The following SHROOM1 variants were observed in gnomAD, a reference collection of about 807,000 sequenced individuals.
SHROOM1 encodes the protein protein Shroom1.
Under a neutral mutation model 64.2 loss-of-function variants are expected in SHROOM1, and 53 were observed. The observed-to-expected ratio is 0.83, with a 90% CI of 0.66 to 1.04. SHROOM1 has a LOEUF of 1.04. Ranked by LOEUF, SHROOM1 falls within the 50% of genes least tolerant of loss-of-function variation. The probability of loss-of-function intolerance (pLI) is 0.00; values close to 1 mark genes in which losing one functional copy is unlikely to be tolerated. For missense variants in SHROOM1, 1,179 were observed against 1,163.2 expected (o/e 1.01, Z -0.20); for synonymous variants, 490 against 518.9 (o/e 0.94, Z 0.76).
In SHROOM1 at chr5:132,825,394, G is replaced by A. The variant is rs771031009; in HGVS notation, c.747C>T (p.Ser249=). The change falls in exon 4 of 10, where the codon AGC becomes AGT. Residue 249 remains serine, a synonymous_variant. Transcript: ENST00000378679. The surrounding 1 kb of genome is among the most constrained non-coding windows in gnomAD (Gnocchi z 5.1). ...ARECLGEACS[S]SGLPGPEPLE... ...AGGGCTCGGGCCCAGGGAGGCCAGAGCTGGAGCAGGCCTCACCCAGGCATT... is the reference window on the plus strand; with the variant it reads ...AGGGCTCGGGCCCAGGGAGGCCAGAACTGGAGCAGGCCTCACCCAGGCATT... 2.5e-6 allele frequency: 4 copies of A among 1,596,532 alleles called. No homozygotes were observed. In the South Asian group the frequency reaches 4.4e-5, roughly 18 times the overall value.
rs1257455250 is a variant in SHROOM1, at chr5:132,825,967, T to C, written c.174A>G (p.Leu58=). 29 of 1,486,536 alleles carry C rather than the reference T, an allele frequency of 2.0e-5. No homozygotes were observed. The highest frequency in any genetic ancestry group is 2.6e-5 in the Non-Finnish European group (29 of 1,116,712). 92.1% of individuals were successfully genotyped at this position (1,486,536 alleles called of 1,614,324 possible). Residue 58 remains leucine, a synonymous_variant, in exon 4 of 10, where the codon CTA becomes CTG. Coordinates refer to ENST00000378679, the MANE Select transcript of SHROOM1 (RefSeq NM_001172700.2). This position sits in a 1 kb window ranked among gnomAD's most constrained non-coding sequence, Gnocchi z 5.1. ...AAACCACACGCACGTAGTCCCAGTC[T>C]AGGTAAGGAAGGAGGTCTGTCCCCG... ...QSPGTDLLPY[L]DWDYVRVVWG... is the part of the protein sequence containing the mutation.
chr5:132,830,432 C>A lies in SHROOM1; in HGVS notation c.-501+162G>T. ...CCGACTCCACTGGCGCAACCTGACGCGGCGCCGAGCCAGACACGTCCCGGC... is the reference window on the plus strand; with the variant it reads ...CCGACTCCACTGGCGCAACCTGACGAGGCGCCGAGCCAGACACGTCCCGGC... On this transcript the variant is annotated intron_variant, in intron 1 of 9. Coordinates refer to ENST00000378679, the MANE Select transcript of SHROOM1 (RefSeq NM_001172700.2). This position sits in a 1 kb window ranked among gnomAD's most constrained non-coding sequence, Gnocchi z 5.9. 1.0e-6 allele frequency: 1 copy of A among 984,978 alleles called. No homozygotes were observed. The highest frequency in any genetic ancestry group is 1.2e-6 in the Non-Finnish European group (1 of 829,796). The allele number at this position is 984,978 out of a possible 1,614,324, so 61.0% of individuals were successfully genotyped here.
rs953631980 is a variant in SHROOM1 at position 132,829,783 on chromosome 5, G to C, written c.-501+811C>G. The C allele has an allele frequency of 1.4e-5, 14 of 985,464 alleles. No individual in the cohort carries two copies. The East Asian group carries it at 1.6e-3, about 112-fold the overall frequency. The allele number at this position is 985,464 out of a possible 1,614,324, so 61.0% of individuals were successfully genotyped here. A position where few individuals can be genotyped will look rare whatever the true frequency, so the allele number is the denominator to read the frequency against. ...ACCCGCAGCTGGGTCTGGCTAGGCG[G>C]ACGTTCTGGGAAGTTCACCGGCTCT... On this transcript the variant is annotated intron_variant, in intron 1 of 9. Coordinates refer to ENST00000378679, the MANE Select transcript of SHROOM1 (RefSeq NM_001172700.2).
intron 2 of SHROOM1, among the ~76,000 whole-genome samples, chr5:132,826,867 C>T (rs752070561): frequency 4.9e-4 from 74 of 152,352 alleles, no homozygotes; most frequent in East Asian, 2.7e-3. Context: ...CCAGGCCTGC[C>T]TCCACGCTCA....
Position 132,825,474 on chromosome 5 carries a change from A to C in SHROOM1, c.667T>G (p.Phe223Val). 1.3e-6 allele frequency: 2 copies of C among 1,552,606 alleles called. No homozygotes were observed. The highest frequency in any genetic ancestry group is 1.7e-6 in the Non-Finnish European group (2 of 1,153,082). ...PLANQQRKWC[F>V]SEPGKLDRVG... Reference sequence around the variant, plus strand: ...CGATCCAGCTTTCCTGGCTCTGAGAAGCACCACTTCCGCTGCTGGTTGGCG... The same window carrying C: ...CGATCCAGCTTTCCTGGCTCTGAGACGCACCACTTCCGCTGCTGGTTGGCG... Residue 223 changes from phenylalanine to valine, a missense_variant, in exon 4 of 10, where the codon TTC becomes GTC. Physicochemically the swap from Phe to Val is conservative, Grantham distance 50 (BLOSUM62 -1). Coordinates refer to ENST00000378679, the MANE Select transcript of SHROOM1 (RefSeq NM_001172700.2). The surrounding 1 kb of genome is among the most constrained non-coding windows in gnomAD (Gnocchi z 5.1).
Position 132,829,879 on chromosome 5 carries a change from T to A in SHROOM1, c.-501+715A>T, listed in dbSNP as rs6884898. Reference sequence around the variant, plus strand: ...AGCGCACCCCACGCAGCATCCACGCTCCGAGTGTGCGACTGGTTTACGGGC... The same window carrying A: ...AGCGCACCCCACGCAGCATCCACGCACCGAGTGTGCGACTGGTTTACGGGC... On this transcript the variant is annotated intron_variant, in intron 1 of 9. Transcript: ENST00000378679. 4.0e-3 allele frequency: 3,945 copies of A among 985,398 alleles called. 132 individuals are homozygous for A. In the African/African-American group the frequency reaches 0.064, roughly 16 times the overall value. 61.0% of individuals were successfully genotyped at this position (985,398 alleles called of 1,614,324 possible). A position where few individuals can be genotyped will look rare whatever the true frequency, so the allele number is the denominator to read the frequency against.
rs375869683 is a variant in SHROOM1, at chr5:132,822,764, G to T, written c.*32C>A. The T allele has an allele frequency of 1.7e-4, 258 of 1,534,248 alleles. No individual in the cohort carries two copies. The highest frequency in any genetic ancestry group is 2.2e-4 in the Non-Finnish European group (253 of 1,137,876). ...ACCCCACTTACGTGGGTGAGAGATA[G>T]GGGCGGTGCACCCCACCCTCTCCAC... On this transcript the variant is annotated 3_prime_UTR_variant, in exon 10 of 10. Coordinates refer to ENST00000378679, the MANE Select transcript of SHROOM1 (RefSeq NM_001172700.2).
In SHROOM1 at chr5:132,823,148, C is replaced by A; in HGVS notation, c.2227-20G>T. 1 of 1,541,858 alleles carries A rather than the reference C, an allele frequency of 6.5e-7. No homozygotes were observed. The highest frequency in any genetic ancestry group is 8.7e-7 in the Non-Finnish European group (1 of 1,152,568). The stretch of plus-strand genomic sequence containing the variant: ...GGAGGCCTTGAGCCGCAGGAAGAGG[C>A]GCCGTGAGCCGGGTGAGGGCGCCGC... On this transcript the variant is annotated intron_variant, in intron 9 of 9. Coordinates refer to ENST00000378679, the MANE Select transcript of SHROOM1 (RefSeq NM_001172700.2). The surrounding 1 kb of genome is among the most constrained non-coding windows in gnomAD (Gnocchi z 4.6).
chr5:132,824,920 T>TG, intron 5 of SHROOM1, 98 bp downstream of exon 5: 1 of 1,601,332 alleles, frequency 6.2e-7, no homozygotes, highest in Non-Finnish European at 8.5e-7. Context: ...ACCAGAAGGC[T>TG]CAGACTGAGG....
rs768706399 is a variant in SHROOM1 at position 132,825,207 on chromosome 5, A to G, written c.934T>C (p.Leu312=). 3.1e-6 allele frequency: 5 copies of G among 1,613,982 alleles called. No homozygotes were observed. The highest frequency in any genetic ancestry group is 1.1e-5 in the South Asian group (1 of 91,084). Reference sequence around the variant, plus strand: ...CCTCCTGATCCTCCCCAGGAACCCAAGACTTCGCCTGAAGCGCTCCGACTC... The same window carrying G: ...CCTCCTGATCCTCCCCAGGAACCCAGGACTTCGCCTGAAGCGCTCCGACTC... ...SRSRSASGEV[L]GSWGGSGGTI... Residue 312 remains leucine (L), a synonymous_variant, in exon 4 of 10, where the codon TTG becomes CTG. Transcript: ENST00000378679. The surrounding 1 kb of genome is among the most constrained non-coding windows in gnomAD (Gnocchi z 5.1).
chr5:132,829,994 G>A, intron 1 of SHROOM1: 1 of 985,482 alleles, frequency 1.0e-6, no homozygotes. Context: ...CGACACCCGG[G>A]GAGAGGCGGC....
rs993549310 is a variant in SHROOM1 at position 132,830,274 on chromosome 5, G to A, written c.-501+320C>T. The A allele has an allele frequency of 1.2e-5, 12 of 985,198 alleles. No homozygotes were observed. In the African/African-American group the frequency reaches 2.1e-4, roughly 17 times the overall value. The allele number at this position is 985,198 out of a possible 1,614,324, so 61.0% of individuals were successfully genotyped here. On this transcript the variant is annotated intron_variant, in intron 1 of 9. Transcript: ENST00000378679. The surrounding 1 kb of genome is among the most constrained non-coding windows in gnomAD (Gnocchi z 5.9). ...GCGACAAAGGGCAGGAGCGGAGGGT[G>A]GCGGAGTGAGACCGCGCTGCCCGCC... is the stretch of plus-strand genomic sequence containing the variant.
chr5:132,824,031 C>A lies in SHROOM1; in HGVS notation c.1630G>T (p.Glu544Ter). 6.2e-7 allele frequency: 1 copy of A among 1,608,036 alleles called. No homozygotes were observed. The highest frequency in any genetic ancestry group is 8.5e-7 in the Non-Finnish European group (1 of 1,176,654). Reference sequence around the variant, plus strand: ...AATCTGGCCAGCTCCTGAACCAGCTCCTCGAGGCACTGACTAGGCCATGTG... The same window carrying A: ...AATCTGGCCAGCTCCTGAACCAGCTACTCGAGGCACTGACTAGGCCATGTG... ...RPTWPSQCLE[E>*]LVQELARLDP... The change falls in exon 7 of 10, where the codon GAG (glutamate) becomes TAG (stop). Residue 544 changes from glutamate to a stop codon, truncating the protein, a stop_gained. Coordinates refer to ENST00000378679, the MANE Select transcript of SHROOM1 (RefSeq NM_001172700.2). LOFTEE classifies it high-confidence loss of function.
rs1758490089 is a variant in SHROOM1 at position 132,822,850 on chromosome 5, C to G, written c.2505G>C (p.Arg835=). Reference sequence around the variant, plus strand: ...GAACTGGAGGACAGGTCCCTGGGGGCCGCGCCGGGCTGGGAGACGGGGCAT... The same window carrying G: ...GAACTGGAGGACAGGTCCCTGGGGGGCGCGCCGGGCTGGGAGACGGGGCAT... ...GHHAPSPSPA[R]PPGTCPPVQP... The change falls in exon 10 of 10, where the codon CGG becomes CGC. Residue 835 remains arginine (R), a synonymous_variant. Transcript: ENST00000378679. The G allele has an allele frequency of 1.9e-6, 3 of 1,612,830 alleles. No homozygotes were observed. Among genetic ancestry groups the G allele is most frequent in the Non-Finnish European group, 2.5e-6 (3 of 1,179,776 alleles).
chr5:132,823,464 C>G lies in SHROOM1; in HGVS notation c.2012G>C (p.Arg671Pro), dbSNP rs527742914. The G allele has an allele frequency of 1.9e-6, 3 of 1,612,034 alleles. No homozygotes were observed. Among genetic ancestry groups the G allele is most frequent in the Non-Finnish European group, 2.5e-6 (3 of 1,179,412 alleles). The part of the protein sequence containing the change: ...MLQDLHTEQE[R>P]LQGEAQAWAR... ...CCACGCTTGTGCCTCCCCCTGCAGC[C>G]GCTCCTGCTCCGTGTGAAGGTCCTG... The change falls in exon 9 of 10, where the codon CGG becomes CCG. Residue 671 changes from arginine to proline, a missense_variant. Physicochemically the swap from Arg to Pro is moderately radical, Grantham distance 103. Transcript: ENST00000378679. The surrounding 1 kb of genome is among the most constrained non-coding windows in gnomAD (Gnocchi z 4.6).
At position 132,823,286 on chromosome 5, in the gene SHROOM1, C is replaced by G. The variant is rs758797201; in HGVS notation, c.2190G>C (p.Leu730=). Residue 730 remains leucine (L), a synonymous_variant, in exon 9 of 10, where the codon CTG becomes CTC. Transcript: ENST00000378679. This position sits in a 1 kb window ranked among gnomAD's most constrained non-coding sequence, Gnocchi z 4.6. ...GSRLARVRRA[L]ARAASDSDPD... ...GGTCGCTGTCTGAGGCCGCCCGGGC[C>G]AGGGCGCGGCGCACGCGCGCCAGGC... 6.2e-5 allele frequency: 100 copies of G among 1,600,426 alleles called. No individual in the cohort carries two copies. Among genetic ancestry groups the G allele is most frequent in the Non-Finnish European group, 8.2e-5 (97 of 1,178,702 alleles).
Position 132,824,751 on chromosome 5 carries a change from C to G in SHROOM1, c.1105G>C (p.Glu369Gln). 6.2e-7 allele frequency: 1 copy of G among 1,614,046 alleles called. No individual in the cohort carries two copies. The change falls in exon 6 of 10, where the codon GAA (glutamate) becomes CAA (glutamine). Residue 369 changes from glutamate (E) to glutamine (Q), a missense_variant. Transcript: ENST00000378679. ...ATGCAGGTCTCTGAGACCCTCTGTT[C>G]ACTGTCAGCAGGGCTGCTCTGGGGT... The part of the protein sequence containing the change: ...ELPQSSPADS[E>Q]QRVSETCIVP...
At position 132,825,398 on chromosome 5, in the gene SHROOM1, G is replaced by C. The variant is rs1758640206; in HGVS notation, c.743C>G (p.Ser248Cys). The part of the protein sequence containing the change: ...PARECLGEAC[S>C]SSGLPGPEPL... ...CTCGGGCCCAGGGAGGCCAGAGCTG[G>C]AGCAGGCCTCACCCAGGCATTCCCG... The change falls in exon 4 of 10, where the codon TCC (serine) becomes TGC (cysteine). Residue 248 changes from serine (S) to cysteine (C), a missense_variant. By Grantham distance (112) the Ser-to-Cys change is moderately radical. Transcript: ENST00000378679. This position sits in a 1 kb window ranked among gnomAD's most constrained non-coding sequence, Gnocchi z 5.1. The C allele has an allele frequency of 2.5e-6, 4 of 1,596,502 alleles. No homozygotes were observed. In the South Asian group the frequency reaches 4.4e-5, roughly 18 times the overall value.
rs570006587 is a variant in SHROOM1 at position 132,830,459 on chromosome 5, G to T, written c.-501+135C>A. On this transcript the variant is annotated intron_variant, in intron 1 of 9. Transcript: ENST00000378679. This position sits in a 1 kb window ranked among gnomAD's most constrained non-coding sequence, Gnocchi z 5.9. ...GCGCCGAGCCAGACACGTCCCGGCC[G>T]AACGATGCCCGGGCTGCCCCGCGAC... The T allele has an allele frequency of 7.1e-4, 702 of 984,974 alleles. 2 individuals carry two copies. The highest frequency in any genetic ancestry group is 4.6e-3 in the African/African-American group (264 of 57,192). The allele number at this position is 984,974 out of a possible 1,614,324, so 61.0% of individuals were successfully genotyped here. A position where few individuals can be genotyped will look rare whatever the true frequency, so the allele number is the denominator to read the frequency against.
Sources: allele counts gnomAD v4.1 joint callset (sites outside exome capture counted in the v4.1 genomes callset), GRCh38; gene constraint gnomAD v4.1.1; non-coding constraint Gnocchi (gnomAD v3.1); transcripts MANE v1.5; gene names NCBI Gene and HGNC (gene_info 2026-07-23, HGNC 2026-07-21).